The following PARVB variants were observed in gnomAD, a reference collection of about 807,000 sequenced individuals.
The protein encoded by PARVB is beta-parvin.
A neutral mutation model predicts 47.0 loss-of-function variants in PARVB; 46 were observed. That is an observed-to-expected ratio of 0.98 (90% confidence interval 0.77 to 1.25). The LOEUF (loss-of-function observed/expected upper bound fraction) is 1.25, where lower values mean the gene tolerates loss of function less well. PARVB is among the 50% of genes most tolerant of loss of function. PARVB has a pLI of 0.00. For synonymous variants in PARVB, 196 were observed against 196.3 expected, an observed-to-expected ratio of 1.00 and a Z score of 0.01; for missense variants, 473 against 471.6, an observed-to-expected ratio of 1.00 and a Z score of -0.03.
chr22:44,083,749 C>T (rs991143509), intron 1 of PARVB, among the ~76,000 whole-genome samples: 1 of 152,150 alleles, frequency 6.6e-6, no homozygotes, highest in African/African-American at 2.4e-5. Context: ...TGCTCATTAA[C>T]AGTCATCGGG....
intron 9 of PARVB, chr22:44,148,147 C>T (rs544115991): frequency 1.4e-5 from 8 of 572,994 alleles, no homozygotes; most frequent in South Asian, 3.9e-5. Flanking sequence ...CCGCCCGCTC[C>T]GCTTCTGTTA....
At chr22:44,166,299 G>A (rs1165627723) in intron 12 of PARVB, among the ~76,000 whole-genome samples, 1 of 152,158 alleles carries the variant, frequency 6.6e-6, no homozygotes, top group Non-Finnish European at 1.5e-5. Flanking sequence ...TAGTAGAGAT[G>A]GGGTTTCACC....
chr22:44,004,689 A>C (rs550713648), intron 2 of PARVB, among the ~76,000 whole-genome samples: 3 of 152,292 alleles, frequency 2.0e-5, no homozygotes, highest in Non-Finnish European at 4.4e-5. Flanking sequence ...CAAGTAGAAA[A>C]AGCCCTTTGT....
At chr22:44,059,429 G>A (rs867546407) in intron 1 of PARVB, among the ~76,000 whole-genome samples, 2 of 152,208 alleles carry the variant, frequency 1.3e-5, no homozygotes, top group African/African-American at 2.4e-5. Flanking sequence ...ATAAAACACC[G>A]TGAGGCTTGT....
Position 44,168,640 on chromosome 22 carries a change from C to T in PARVB, c.1057C>T (p.Leu353Phe), listed in dbSNP as rs1259232295. 3.1e-6 allele frequency: 5 copies of T among 1,613,222 alleles called. No individual in the cohort carries two copies. The highest frequency in any genetic ancestry group is 4.2e-6 in the Non-Finnish European group (5 of 1,179,232). The change falls in exon 13 of 13, where the codon CTT (leucine) becomes TTT (phenylalanine). Residue 353 changes from leucine (L) to phenylalanine (F), a missense_variant. Transcript: ENST00000338758. Reference protein sequence around the residue: ...NLDLKSTLRVLYNLFTKYKNV... With the variant: ...NLDLKSTLRVFYNLFTKYKNV... ...GGACCTCAAATCCACCCTGAGGGTT[C>T]TTTACAACCTGTTCACCAAGTACAA...
chr22:44,154,433 T>A (rs1309387771), intron 10 of PARVB, among the ~76,000 whole-genome samples: 1 of 152,200 alleles, frequency 6.6e-6, no homozygotes, highest in African/African-American at 2.4e-5. Context: ...TTCTTCAATT[T>A]CTATTTGTGT....
At chr22:44,031,192 G>T (rs1410241983) in intron 1 of PARVB, among the ~76,000 whole-genome samples, 4 of 152,214 alleles carry the variant, frequency 2.6e-5, no homozygotes, top group Non-Finnish European at 5.9e-5. Flanking sequence ...TCACTGCGAC[G>T]CTGCCCAGCA....
intron 1 of PARVB, among the ~76,000 whole-genome samples, chr22:44,082,931 T>C (rs1202849104): frequency 6.6e-6 from 1 of 152,148 alleles, no homozygotes; most frequent in Non-Finnish European, 1.5e-5. Context: ...GATGGACTCC[T>C]TCCATCTCGG....
chr22:44,113,976 C>A (rs1569125569), intron 3 of PARVB: 1 of 60,784 alleles, frequency 1.6e-5, no homozygotes, highest in Non-Finnish European at 2.9e-5. Flanking sequence ...GTTACTAAGG[C>A]CCTGCACCAA....
intron 1 of PARVB, among the ~76,000 whole-genome samples, chr22:44,067,934 C>T (rs895966859): frequency 3.3e-5 from 5 of 152,076 alleles, no homozygotes; most frequent in South Asian, 4.1e-4. Context: ...CAGGGGTGAC[C>T]GGCGGGTGAG....
chr22:44,054,361 C>T (rs1184696118), intron 1 of PARVB, among the ~76,000 whole-genome samples: 2 of 152,158 alleles, frequency 1.3e-5, no homozygotes, highest in East Asian at 1.9e-4. Context: ...ACTACAGCCG[C>T]GCACTACAAC....
chr22:44,065,999 C>T (rs1435201788), intron 1 of PARVB, among the ~76,000 whole-genome samples: 1 of 152,094 alleles, frequency 6.6e-6, no homozygotes, highest in Non-Finnish European at 1.5e-5. Flanking sequence ...TGTCTGATGA[C>T]TTCTTTTCCC....
intron 4 of PARVB, chr22:44,119,671 G>A (rs1284894027): frequency 4.4e-6 from 2 of 451,810 alleles, no homozygotes; most frequent in African/African-American, 4.0e-5. Flanking sequence ...TTCATCAGAT[G>A]TTGGATGAGT....
chr22:43,999,501 C>T (rs761055043), intron 1 of PARVB: 9 of 1,556,898 alleles, frequency 5.8e-6, no homozygotes, highest in Admixed American at 1.7e-5. Flanking sequence ...AAACTGGATC[C>T]GACAAACAAA....
chr22:44,104,076 G>C (rs946662794), intron 3 of PARVB: 1 of 152,356 alleles, frequency 6.6e-6, no homozygotes, highest in Non-Finnish European at 1.5e-5. Flanking sequence ...TGCAGCTGGC[G>C]TGCCCTGGCC....
At chr22:44,156,796 C>A (rs1360341433) in intron 10 of PARVB, among the ~76,000 whole-genome samples, 1 of 152,046 alleles carries the variant, frequency 6.6e-6, no homozygotes, top group Non-Finnish European at 1.5e-5. Context: ...ATATGCGATT[C>A]CACTTACGTG....
intron 1 of PARVB, among the ~76,000 whole-genome samples, chr22:44,032,674 A>G (rs2050846954): frequency 6.6e-6 from 1 of 152,102 alleles, no homozygotes; most frequent in Non-Finnish European, 1.5e-5. Flanking sequence ...TTCGTTATGG[A>G]TGAATGTGGA....
intron 1 of PARVB, among the ~76,000 whole-genome samples, chr22:44,024,689 T>C (rs907257241): frequency 4.6e-5 from 7 of 151,850 alleles, no homozygotes; most frequent in African/African-American, 1.7e-4. Context: ...TGCGGGCGCC[T>C]GCGCGGCGGG....
upstream of PARVB, among the ~76,000 whole-genome samples, chr22:44,020,273 C>G (rs1270805792): frequency 1.3e-5 from 2 of 151,430 alleles, no homozygotes; most frequent in Non-Finnish European, 2.9e-5. Context: ...ACCTCCTGGG[C>G]TCAAGTGATC....
Sources: gnomAD v4.1 joint callset for allele counts (sites outside exome capture counted in the v4.1 genomes callset) on GRCh38, gnomAD v4.1.1 for gene constraint, MANE v1.5 for transcripts, NCBI Gene and HGNC (gene_info 2026-07-23, HGNC 2026-07-21) for gene names.